Variants in LGI2 observed in about 807,000 individuals in gnomAD.
The protein encoded by LGI2 is leucine rich repeat LGI family member 2.
LGI2 carries 30 observed loss-of-function variants against 52.0 expected under a neutral mutation model. The ratio of observed to expected loss-of-function variants is 0.58; its 90% CI spans 0.43 to 0.78. The LOEUF is 0.78. Ranked by LOEUF, LGI2 falls within the 30% of genes least tolerant of loss-of-function variation. LGI2 has a pLI of 0.00. For missense variants in LGI2, 573 were observed against 692.5 expected (o/e 0.83, Z 1.94); for synonymous variants, 270 against 271.8 (o/e 0.99, Z 0.06).
chr4:25,023,911 T>C (rs755515580), intron 4 of LGI2, among the ~76,000 whole-genome samples: 16 of 152,236 alleles, frequency 1.1e-4, no homozygotes, highest in Non-Finnish European at 1.8e-4. Context: ...CATTTTTATA[T>C]GCCAGTTTCA....
At position 25,003,378 on chromosome 4, in the gene LGI2, G is replaced by T; in HGVS notation, c.*73C>A. 9.2e-7 allele frequency: 1 copy of T among 1,084,578 alleles called. No homozygotes were observed. Among genetic ancestry groups the T allele is most frequent in the Non-Finnish European group, 1.3e-6 (1 of 757,630 alleles). 67.2% of individuals were successfully genotyped at this position (1,084,578 alleles called of 1,614,324 possible). On this transcript the variant is annotated 3_prime_UTR_variant, in exon 8 of 8. Coordinates refer to ENST00000382114, the MANE Select transcript of LGI2 (RefSeq NM_018176.4). ...AGAGCTCTGAGCCTGGCTTTGATTT[G>T]TTTGTTGATTTTTCTTGGTCCTCTT...
downstream of LGI2, among the ~76,000 whole-genome samples, chr4:24,996,142 G>A (rs1373374182): frequency 1.3e-5 from 2 of 152,168 alleles, no homozygotes; most frequent in African/African-American, 2.4e-5. Context: ...TGACTATTTG[G>A]TTTGGAGGCT....
chr4:25,012,882 G>A (rs763097634), intron 6 of LGI2, among the ~76,000 whole-genome samples: 12 of 152,244 alleles, frequency 7.9e-5, no homozygotes, highest in Admixed American at 3.9e-4. Context: ...ACAAGCGGGG[G>A]CTGCGGTCCA....
intron 3 of LGI2, among the ~76,000 whole-genome samples, chr4:25,025,875 G>C (rs955899865): frequency 6.6e-6 from 1 of 152,146 alleles, no homozygotes; most frequent in Non-Finnish European, 1.5e-5. Flanking sequence ...ATGAACTATC[G>C]TAAGAGAAAA....
chr4:25,022,885 A>G (rs1726018599), intron 4 of LGI2, among the ~76,000 whole-genome samples: 2 of 152,208 alleles, frequency 1.3e-5, no homozygotes, highest in Non-Finnish European at 2.9e-5. Context: ...CTTTTGCTCA[A>G]ATATAAAGCC....
chr4:25,009,252 C>T (rs910053877), intron 7 of LGI2, among the ~76,000 whole-genome samples: 3 of 152,208 alleles, frequency 2.0e-5, no homozygotes, highest in African/African-American at 4.8e-5. Flanking sequence ...TCATTTGGCT[C>T]ATGCCAAACC....
intron 6 of LGI2, among the ~76,000 whole-genome samples, chr4:25,015,840 G>C (rs1036140845): frequency 1.3e-5 from 2 of 152,156 alleles, no homozygotes; most frequent in Non-Finnish European, 2.9e-5. Context: ...CTATGTTTGG[G>C]GGTGGATCAC....
chr4:25,006,618 T>G (rs1370599857), intron 7 of LGI2, among the ~76,000 whole-genome samples: 2 of 152,230 alleles, frequency 1.3e-5, no homozygotes, highest in Non-Finnish European at 2.9e-5. Context: ...CCAGAGCAAA[T>G]TTTGAAAATA....
At position 25,000,325 on chromosome 4, in the gene LGI2, G is replaced by A. The variant is rs577519767; in HGVS notation, c.*3126C>T. On this transcript the variant is annotated 3_prime_UTR_variant, in exon 8 of 8. Coordinates refer to ENST00000382114, the MANE Select transcript of LGI2 (RefSeq NM_018176.4). Reference sequence around the variant, plus strand: ...AGTTATTGCTTTGCCAGTCCCTATTGGATAACCATGGCAGGCAATTCATAT... The same window carrying A: ...AGTTATTGCTTTGCCAGTCCCTATTAGATAACCATGGCAGGCAATTCATAT... 158 of 153,008 alleles carry A rather than the reference G, an allele frequency of 1.0e-3. No homozygotes were observed. The highest frequency in any genetic ancestry group is 1.3e-3 in the Non-Finnish European group (92 of 68,616). 9.5% of individuals were successfully genotyped at this position (153,008 alleles called of 1,614,324 possible).
chr4:25,013,058 C>T (rs1023035199), intron 6 of LGI2, among the ~76,000 whole-genome samples: 6 of 152,162 alleles, frequency 3.9e-5, no homozygotes, highest in Admixed American at 2.0e-4. Context: ...CCCCACTGCA[C>T]GTTCAGAATG....
intron 4 of LGI2, among the ~76,000 whole-genome samples, chr4:25,024,109 T>C (rs1326670652): frequency 1.3e-5 from 2 of 152,290 alleles, no homozygotes; most frequent in Non-Finnish European, 2.9e-5. Flanking sequence ...AAGCCTTGGT[T>C]CCAAAATCTG....
downstream of LGI2, among the ~76,000 whole-genome samples, chr4:24,994,815 A>G (rs1250308981): frequency 6.6e-6 from 1 of 152,164 alleles, no homozygotes; most frequent in East Asian, 1.9e-4. Context: ...CCAAACCCCA[A>G]GAGGTGACAA....
chr4:25,017,937 G>C, intron 6 of LGI2, 52 bp downstream of exon 6: 3 of 1,474,622 alleles, frequency 2.0e-6, no homozygotes, highest in Non-Finnish European at 1.8e-6. Flanking sequence ...GTAAAAGAAA[G>C]ACAAAGAGAT....
downstream of LGI2, among the ~76,000 whole-genome samples, chr4:24,994,351 AAGAAG>A (rs1724994073): frequency 1.3e-5 from 2 of 152,340 alleles, no homozygotes; most frequent in South Asian, 4.1e-4. Flanking sequence ...ACTCAAGGAT[AAGAAG>A]GGTTGCCTTG....
chr4:24,997,685 G>A (rs997379365), downstream of LGI2, among the ~76,000 whole-genome samples: 4 of 152,104 alleles, frequency 2.6e-5, no homozygotes, highest in East Asian at 1.9e-4. Flanking sequence ...TTTGGTTGAC[G>A]CCTGTGGTGA....
At chr4:25,024,432 T>A (rs2109424520) in intron 4 of LGI2, among the ~76,000 whole-genome samples, 1 of 152,288 alleles carries the variant, frequency 6.6e-6, no homozygotes, top group African/African-American at 2.4e-5. Flanking sequence ...GATAATGGCT[T>A]GAACCCAGGA....
chr4:25,026,913 A>G lies in LGI2; in HGVS notation c.296T>C (p.Ile99Thr). 1 of 1,613,798 alleles carries G rather than the reference A, an allele frequency of 6.2e-7. No homozygotes were observed. The highest frequency in any genetic ancestry group is 1.3e-5 in the African/African-American group (1 of 75,044). ...LLLLNSNSFT[I>T]IRDDAFAGLF... ...TCCAGCAAAAGCATCATCCCGGATG[A>G]TCGTGAATGAGTTAGAATTCAGCAA... Residue 99 changes from isoleucine to threonine, a missense_variant, in exon 3 of 8, where the codon ATC becomes ACC. Ile to Thr is a moderately conservative substitution (Grantham distance 89). Coordinates refer to ENST00000382114, the MANE Select transcript of LGI2 (RefSeq NM_018176.4).
downstream of LGI2, among the ~76,000 whole-genome samples, chr4:24,996,906 T>C (rs1725099564): frequency 2.6e-5 from 4 of 152,214 alleles, no homozygotes; most frequent in Admixed American, 2.6e-4. Context: ...GCATGCTCTT[T>C]GGGGCCCACA....
intron 5 of LGI2, 43 bp downstream of exon 5, chr4:25,019,124 G>A (rs1332017736): frequency 1.7e-6 from 2 of 1,164,970 alleles, no homozygotes; most frequent in African/African-American, 3.0e-5. Flanking sequence ...TGATTAACTG[G>A]GGCACAATGA....
Sources: allele counts gnomAD v4.1 joint callset (sites outside exome capture counted in the v4.1 genomes callset), GRCh38; gene constraint gnomAD v4.1.1; transcripts MANE v1.5; gene names NCBI Gene and HGNC (gene_info 2026-07-23, HGNC 2026-07-21).